PCDH15: variants seen among roughly 807,000 people sequenced by gnomAD.
PCDH15 encodes the protein protocadherin-15.
PCDH15 carries 129 observed loss-of-function variants against 178.5 expected under a neutral mutation model. The observed-to-expected ratio is 0.72, with a 90% confidence interval of 0.63 to 0.84. PCDH15 has a LOEUF of 0.84. Among genes scored for constraint, PCDH15 ranks in the 40% least tolerant of loss-of-function variants. The probability of loss-of-function intolerance (pLI) is 0.00; values close to 1 mark genes in which losing one functional copy is unlikely to be tolerated. For synonymous variants in PCDH15, 800 were observed against 732.0 expected (o/e 1.09, Z -1.50); for missense variants, 2,230 against 2,099.9 (o/e 1.06, Z -1.21).
chr10:54,763,057 A>G (rs907908354), intron 1 of PCDH15, among the ~76,000 whole-genome samples: 1 of 152,192 alleles, frequency 6.6e-6, no homozygotes, highest in African/African-American at 2.4e-5. Context: ...GGTATACATC[A>G]CAGACCATCT....
At position 53,917,264 on chromosome 10, in the gene PCDH15, T is replaced by C. The variant is rs118050029; in HGVS notation, c.3374-13894A>G. On this transcript the variant is annotated intron_variant, in intron 25 of 37. Coordinates refer to ENST00000644397, the MANE Select transcript of PCDH15 (RefSeq NM_001384140.1). ...ATTTGACCTAAGACTATTCCACTGATAATACAAGCCGAATAGGAATTATTG... is the reference window on the plus strand; with the variant it reads ...ATTTGACCTAAGACTATTCCACTGACAATACAAGCCGAATAGGAATTATTG... Among the ~76,000 whole-genome samples, 481 of 152,208 alleles carry C rather than the reference T, an allele frequency of 3.2e-3. 15 individuals carry two copies. The East Asian group carries it at 0.075, about 24-fold the overall frequency.
chr10:54,988,690 A>G (rs1022626142), intron 2 of PCDH15, among the ~76,000 whole-genome samples: 1 of 152,192 alleles, frequency 6.6e-6, no homozygotes, highest in African/African-American at 2.4e-5. Context: ...AAAGCATTCA[A>G]GATGTGACTT....
chr10:54,303,770 G>C (rs2060293163), intron 8 of PCDH15, among the ~76,000 whole-genome samples: 1 of 152,062 alleles, frequency 6.6e-6, no homozygotes, highest in Non-Finnish European at 1.5e-5. Flanking sequence ...TGACAAATAA[G>C]CATTCTGAGT....
chr10:54,369,790 G>A (rs1329595046), intron 4 of PCDH15, among the ~76,000 whole-genome samples: 1 of 151,848 alleles, frequency 6.6e-6, no homozygotes, highest in Non-Finnish European at 1.5e-5. Context: ...ACATTTAAAT[G>A]CTTATTTTGC....
intron 2 of PCDH15, among the ~76,000 whole-genome samples, chr10:55,413,789 C>G (rs938570460): frequency 3.3e-5 from 5 of 151,424 alleles, no homozygotes; most frequent in Admixed American, 6.6e-5. Context: ...TTTCTGAATA[C>G]AAGTTAGCTC....
chr10:53,911,036 G>C (rs2083050921), intron 25 of PCDH15, among the ~76,000 whole-genome samples: 1 of 152,188 alleles, frequency 6.6e-6, no homozygotes, highest in Non-Finnish European at 1.5e-5. Flanking sequence ...ATCTATGTTT[G>C]ATTGGTGTAC....
chr10:54,136,840 T>C (rs1009539285), intron 14 of PCDH15, among the ~76,000 whole-genome samples: 9 of 152,188 alleles, frequency 5.9e-5, no homozygotes, highest in Non-Finnish European at 1.2e-4. Context: ...TCCACAATAA[T>C]TCAAAAGCTA....
At position 54,185,142 on chromosome 10, in the gene PCDH15, T is replaced by G; in HGVS notation, c.1432A>C (p.Thr478Pro). 6.2e-7 allele frequency: 1 copy of G among 1,613,502 alleles called. No individual in the cohort carries two copies. The highest frequency in any genetic ancestry group is 2.2e-5 in the East Asian group (1 of 44,798). ...PVDREEQQTY[T>P]FSITAFDGVQ... ...ACACAAAAGCTCTTTACCGAAAAGG[T>G]GTAAGTTTGCTGTTCTTCCCTGTCC... Residue 478 changes from threonine to proline, a missense_variant, in exon 12 of 38, where the codon ACC becomes CCC. Thr to Pro is a conservative substitution (Grantham distance 38). Coordinates refer to ENST00000644397, the MANE Select transcript of PCDH15 (RefSeq NM_001384140.1).
At chr10:55,272,206 G>A (rs1418220674) in intron 1 of PCDH15, among the ~76,000 whole-genome samples, 1 of 151,752 alleles carries the variant, frequency 6.6e-6, no homozygotes, top group East Asian at 1.9e-4. Flanking sequence ...CAATCTGAAA[G>A]TGAAGAAAAG....
chr10:53,823,759 T>A (rs1222930124), intron 32 of PCDH15: 2 of 450,442 alleles, frequency 4.4e-6, no homozygotes, highest in South Asian at 3.1e-5. Flanking sequence ...GGGCTGCCTG[T>A]TACGCATAGA....
intron 25 of PCDH15, among the ~76,000 whole-genome samples, chr10:53,922,324 T>G (rs1406771740): frequency 6.6e-6 from 1 of 152,174 alleles, no homozygotes; most frequent in Non-Finnish European, 1.5e-5. Context: ...TACCTTTTTA[T>G]AGAGTATTTC....
intron 26 of PCDH15, among the ~76,000 whole-genome samples, chr10:53,880,697 A>G (rs891936391): frequency 1.3e-5 from 2 of 152,200 alleles, no homozygotes; most frequent in Non-Finnish European, 2.9e-5. Flanking sequence ...AAATAAATTT[A>G]TAATTTTCAA....
At chr10:54,412,879 G>A (rs1373993548) in intron 3 of PCDH15, among the ~76,000 whole-genome samples, 4 of 152,032 alleles carry the variant, frequency 2.6e-5, no homozygotes, top group African/African-American at 4.8e-5. Flanking sequence ...GAGCCACCAC[G>A]CCTGGCCATT....
chr10:53,915,539 C>T (rs1296444813), intron 25 of PCDH15, among the ~76,000 whole-genome samples: 1 of 152,158 alleles, frequency 6.6e-6, no homozygotes, highest in Non-Finnish European at 1.5e-5. Flanking sequence ...ACTGCTGTCA[C>T]TACTGGCTCC....
intron 1 of PCDH15, among the ~76,000 whole-genome samples, chr10:55,195,098 A>G (rs1840050454): frequency 6.7e-6 from 1 of 148,700 alleles, no homozygotes; most frequent in African/African-American, 2.5e-5. Flanking sequence ...ATCTCGGCTC[A>G]CTGCAACCTC....
chr10:54,633,215 G>GA (rs892723994), intron 2 of PCDH15, among the ~76,000 whole-genome samples: 1 of 152,068 alleles, frequency 6.6e-6, no homozygotes, highest in African/African-American at 2.4e-5. Context: ...GCATAATCCT[G>GA]AAGGTCAGGG....
chr10:54,197,063 C>T (rs1174961292), intron 10 of PCDH15, among the ~76,000 whole-genome samples: 1 of 152,050 alleles, frequency 6.6e-6, no homozygotes, highest in Non-Finnish European at 1.5e-5. Flanking sequence ...GCCCACTGAC[C>T]GTCCCCAAAA....
chr10:54,325,229 A>C (rs1937679427), intron 7 of PCDH15, among the ~76,000 whole-genome samples: 1 of 152,136 alleles, frequency 6.6e-6, no homozygotes, highest in South Asian at 2.1e-4. Context: ...ACTACATGTA[A>C]TTTGAAGGAT....
chr10:55,177,640 G>A (rs1839531627), intron 1 of PCDH15, among the ~76,000 whole-genome samples: 1 of 152,170 alleles, frequency 6.6e-6, no homozygotes, highest in Non-Finnish European at 1.5e-5. Flanking sequence ...TCCATGAGGA[G>A]TCTCCAGCTA....
Sources: gnomAD v4.1 joint callset for allele counts (sites outside exome capture counted in the v4.1 genomes callset) on GRCh38, gnomAD v4.1.1 for gene constraint, MANE v1.5 for transcripts, NCBI Gene and HGNC (gene_info 2026-07-23, HGNC 2026-07-21) for gene names.